SLC15A5: variants seen among roughly 807,000 people sequenced by gnomAD.
SLC15A5 encodes the protein Peptide/histidine transporter ENSP00000340402.
Under a neutral mutation model 56.1 loss-of-function variants are expected in SLC15A5, and 58 were observed. The observed-to-expected ratio is 1.03, with a 90% CI of 0.84 to 1.29. SLC15A5 has a LOEUF of 1.29. Among genes scored for constraint, SLC15A5 ranks in the 50% most tolerant of loss-of-function variants. The pLI, the probability that SLC15A5 is intolerant of heterozygous loss-of-function variation, is 0.00. For missense variants in SLC15A5, 681 were observed against 672.1 expected, an observed-to-expected ratio of 1.01 and a Z score of -0.15; for synonymous variants, 264 against 250.5, an observed-to-expected ratio of 1.05 and a Z score of -0.51.
intron 2 of SLC15A5, among the ~76,000 whole-genome samples, chr12:16,265,090 G>A (rs1431840569): frequency 6.6e-6 from 1 of 152,162 alleles, no homozygotes; most frequent in African/African-American, 2.4e-5. Flanking sequence ...GAATTGAGCA[G>A]GGGTCTCATA....
chr12:16,227,032 G>T (rs545798898), intron 5 of SLC15A5, among the ~76,000 whole-genome samples: 3 of 152,060 alleles, frequency 2.0e-5, no homozygotes, highest in South Asian at 2.1e-4. Context: ...TAATTTTTTT[G>T]ATTATATCTC....
intron 8 of SLC15A5, among the ~76,000 whole-genome samples, chr12:16,191,724 T>C (rs190999348): frequency 6.6e-6 from 1 of 152,226 alleles, no homozygotes; most frequent in East Asian, 1.9e-4. Flanking sequence ...TACTGTGTCT[T>C]GCTTAACTCT....
At chr12:16,268,752 C>T (rs1290261356) in intron 2 of SLC15A5, among the ~76,000 whole-genome samples, 1 of 152,030 alleles carries the variant, frequency 6.6e-6, no homozygotes, top group East Asian at 1.9e-4. Context: ...TCAAAGGCAT[C>T]ACTAGATTTT....
chr12:16,237,604 G>A lies in SLC15A5; in HGVS notation c.1162+2077C>T, dbSNP rs1864364580. Reference sequence around the variant, plus strand: ...TAGGAAGAGATGTGATTTCAAATATGCAGGAGTAGAGAATTGTCCAAAAGA... The same window carrying A: ...TAGGAAGAGATGTGATTTCAAATATACAGGAGTAGAGAATTGTCCAAAAGA... On this transcript the variant is annotated intron_variant, in intron 5 of 8. Coordinates refer to ENST00000344941, the MANE Select transcript of SLC15A5 (RefSeq NM_001170798.1). This position sits in a 1 kb window ranked among gnomAD's most constrained non-coding sequence, Gnocchi z 4.1. Among the ~76,000 whole-genome samples the A allele has an allele frequency of 6.6e-6, 1 of 152,180 alleles. No individual in the cohort carries two copies. The highest frequency in any genetic ancestry group is 2.4e-5 in the African/African-American group (1 of 41,448).
At chr12:16,240,309 G>A (rs1864400673) in intron 4 of SLC15A5, among the ~76,000 whole-genome samples, 1 of 152,030 alleles carries the variant, frequency 6.6e-6, no homozygotes, top group Non-Finnish European at 1.5e-5. Context: ...TCTTTAAAAA[G>A]CATCTAGTTT....
At chr12:16,199,161 C>T (rs1309335678) in intron 7 of SLC15A5, among the ~76,000 whole-genome samples, 1 of 152,024 alleles carries the variant, frequency 6.6e-6, no homozygotes, top group Non-Finnish European at 1.5e-5. Context: ...TACTACAAAG[C>T]CTGCCCCCCA....
At chr12:16,234,153 C>T (rs1864325469) in intron 5 of SLC15A5, among the ~76,000 whole-genome samples, 2 of 152,112 alleles carry the variant, frequency 1.3e-5, no homozygotes, top group Non-Finnish European at 2.9e-5. Context: ...TTCCACATGG[C>T]AGAAGGTAGA....
At chr12:16,259,901 CG>C (rs3078523) in intron 2 of SLC15A5, among the ~76,000 whole-genome samples, 2 of 148,804 alleles carry the variant, frequency 1.3e-5, no homozygotes, top group African/African-American at 4.9e-5. Context: ...ACCACCCGGG[CG>C]GGGGGTAAGT....
chr12:16,197,093 A>AG, intron 7 of SLC15A5, among the ~76,000 whole-genome samples: 1 of 151,968 alleles, frequency 6.6e-6, no homozygotes, highest in East Asian at 1.9e-4. Flanking sequence ...CTTAAAAAAA[A>AG]AAAGAAAAGA....
At chr12:16,199,061 C>A (rs565788272) in intron 7 of SLC15A5, among the ~76,000 whole-genome samples, 84 of 152,024 alleles carry the variant, frequency 5.5e-4, no homozygotes, top group Non-Finnish European at 1.1e-3. Context: ...CAACCTAAGA[C>A]GTTTCACTTC....
At chr12:16,214,542 G>C (rs1864111929) in intron 7 of SLC15A5, among the ~76,000 whole-genome samples, 1 of 152,144 alleles carries the variant, frequency 6.6e-6, no homozygotes, top group Non-Finnish European at 1.5e-5. Context: ...GGTGGAGACT[G>C]AGCTCACAAT....
chr12:16,266,303 A>G (rs1306044650), intron 2 of SLC15A5, among the ~76,000 whole-genome samples: 1 of 152,160 alleles, frequency 6.6e-6, no homozygotes, highest in Non-Finnish European at 1.5e-5. Context: ...TCTTTTTAAA[A>G]AGTTAAGCAT....
intron 2 of SLC15A5, among the ~76,000 whole-genome samples, chr12:16,262,942 C>T (rs1052399732): frequency 2.0e-5 from 3 of 151,980 alleles, no homozygotes; most frequent in Admixed American, 6.6e-5. Context: ...TCCAGTTAAA[C>T]CTCTTTCTTT....
rs539906437 is a variant in SLC15A5 at position 16,244,533 on chromosome 12, G to A, written c.975+47C>T. ...TCACCTTGACTTGCACTGTTGACAT[G>A]CAATCACTTTCCTGTTGTTGGGGTA... On this transcript the variant is annotated intron_variant, in intron 4 of 8. Coordinates refer to ENST00000344941, the MANE Select transcript of SLC15A5 (RefSeq NM_001170798.1). 4.1e-6 allele frequency: 6 copies of A among 1,481,378 alleles called. No homozygotes were observed. The African/African-American group carries it at 5.6e-5, about 14-fold the overall frequency. The allele number at this position is 1,481,378 out of a possible 1,614,324, so 91.8% of individuals were successfully genotyped here. A position where few individuals can be genotyped will look rare whatever the true frequency, so the allele number is the denominator to read the frequency against.
Position 16,196,049 on chromosome 12 carries a change from A to G in SLC15A5, c.1484-1596T>C, listed in dbSNP as rs1023458427. Among the ~76,000 whole-genome samples, 5 of 152,114 alleles carry G rather than the reference A, an allele frequency of 3.3e-5. No individual in the cohort carries two copies. The highest frequency in any genetic ancestry group is 1.2e-4 in the African/African-American group (5 of 41,446). On this transcript the variant is annotated intron_variant, in intron 7 of 8. Coordinates refer to ENST00000344941, the MANE Select transcript of SLC15A5 (RefSeq NM_001170798.1). This position sits in a 1 kb window ranked among gnomAD's most constrained non-coding sequence, Gnocchi z 4.0. ...CTGGGTTGTAAAGGTAATCCTGATT[A>G]TGCTATTAATTTGCAGTAGCTGTGT...
chr12:16,210,005 G>A (rs1234110256), intron 7 of SLC15A5, among the ~76,000 whole-genome samples: 1 of 152,136 alleles, frequency 6.6e-6, no homozygotes, highest in Non-Finnish European at 1.5e-5. Context: ...GATCTCACGT[G>A]ATTTTGCCCC....
Position 16,244,775 on chromosome 12 carries a change from C to T in SLC15A5, c.780G>A (p.Gly260=). 3 of 1,537,746 alleles carry T rather than the reference C, an allele frequency of 2.0e-6. No individual in the cohort carries two copies. Among genetic ancestry groups the T allele is most frequent in the Non-Finnish European group, 2.6e-6 (3 of 1,147,016 alleles). The change falls in exon 4 of 9, where the codon GGG becomes GGA. Residue 260 remains glycine (G), a synonymous_variant. Transcript: ENST00000344941. ...ATGTTTTCAGTGCACTAACCAACAC[C>T]CCAACGCCTGTCAGGAGAGAACAAC... The part of the protein sequence containing the change: ...EKRCSLLTGV[G]VLVSALKTCH...
Position 16,277,496 on chromosome 12 carries a change from T to C in SLC15A5, c.190A>G (p.Met64Val), listed in dbSNP as rs548302206. 70 of 1,536,568 alleles carry C rather than the reference T, an allele frequency of 4.6e-5. 2 individuals carry two copies. In the South Asian group the frequency reaches 7.4e-4, roughly 16 times the overall value. The change falls in exon 1 of 9, where the codon ATG becomes GTG. Residue 64 changes from methionine to valine, a missense_variant. Met to Val is a conservative substitution (Grantham distance 21). Coordinates refer to ENST00000344941, the MANE Select transcript of SLC15A5 (RefSeq NM_001170798.1). Reference protein sequence around the residue: ...RFTFFEVVCNMIPFCTIKLGY... With the variant: ...RFTFFEVVCNVIPFCTIKLGY... ...AGCTTGATAGTGCAAAAGGGGATCA[T>C]GTTGCAGACGACTTCAAAGAACGTG...
chr12:16,201,906 C>G (rs911296792), intron 7 of SLC15A5, among the ~76,000 whole-genome samples: 4 of 152,068 alleles, frequency 2.6e-5, no homozygotes, highest in African/African-American at 9.7e-5. Context: ...AACTGTATAT[C>G]TACATGCAGA....
Sources: allele counts gnomAD v4.1 joint callset (sites outside exome capture counted in the v4.1 genomes callset), GRCh38; gene constraint gnomAD v4.1.1; non-coding constraint Gnocchi (gnomAD v3.1); transcripts MANE v1.5; gene names NCBI Gene and HGNC (gene_info 2026-07-23, HGNC 2026-07-21).